The following ABLIM1 variants were observed in gnomAD, a reference collection of about 807,000 sequenced individuals.
ABLIM1 encodes actin binding LIM protein 1.
ABLIM1 carries 40 observed loss-of-function variants against 107.0 expected under a neutral mutation model. The observed-to-expected ratio is 0.37, with a 90% CI of 0.29 to 0.49. ABLIM1 has a LOEUF of 0.49. Among genes scored for constraint, ABLIM1 ranks in the 20% least tolerant of loss-of-function variants. The pLI is 0.97. For missense variants in ABLIM1, 857 were observed against 1,008.5 expected, an observed-to-expected ratio of 0.85 and a Z score of 2.04; for synonymous variants, 357 against 357.3, an observed-to-expected ratio of 1.00 and a Z score of 0.01.
At chr10:114,771,350 C>T (rs572835020), upstream of ABLIM1, among the ~76,000 whole-genome samples, 145 of 152,318 alleles carry the variant, frequency 9.5e-4, no homozygotes, top group Non-Finnish European at 1.7e-3. Flanking sequence ...CTGTTAGGCA[C>T]ATAGCAAGTA....
chr10:114,763,957 A>C (rs1042764037), intron 1 of ABLIM1, among the ~76,000 whole-genome samples: 4 of 152,160 alleles, frequency 2.6e-5, no homozygotes, highest in African/African-American at 4.8e-5. Flanking sequence ...ACACCACTGT[A>C]ATCTAGTGGT....
intron 2 of ABLIM1, among the ~76,000 whole-genome samples, chr10:114,578,409 GTT>G (rs35844913): frequency 2.1e-5 from 3 of 141,390 alleles, no homozygotes; most frequent in Non-Finnish European, 1.5e-5. Context: ...ATTTTCTGTT[GTT>G]TTTTTTTTTT....
chr10:114,508,329 T>C (rs1376305544), intron 6 of ABLIM1, among the ~76,000 whole-genome samples: 1 of 152,272 alleles, frequency 6.6e-6, no homozygotes, highest in East Asian at 1.9e-4. Flanking sequence ...GGCGCCTTAT[T>C]TGCAGGAGGA....
At chr10:114,488,454 T>A (rs548605873) in intron 7 of ABLIM1, among the ~76,000 whole-genome samples, 1 of 152,344 alleles carries the variant, frequency 6.6e-6, no homozygotes, top group Non-Finnish European at 1.5e-5. Flanking sequence ...GTCAACCAGA[T>A]AGTCTATGTC....
chr10:114,437,408 T>C (rs895613279), intron 22 of ABLIM1, among the ~76,000 whole-genome samples: 12 of 150,246 alleles, frequency 8.0e-5, no homozygotes, highest in Non-Finnish European at 1.5e-4. Flanking sequence ...AACCTCCACC[T>C]CCTGGATTCA....
At chr10:114,458,113 T>TGC (rs2063174116) in intron 12 of ABLIM1, among the ~76,000 whole-genome samples, 1 of 149,658 alleles carries the variant, frequency 6.7e-6, no homozygotes, top group African/African-American at 2.5e-5. Context: ...TGTGTGTGTG[T>TGC]GTGCGCACAT....
exon 1 of ABLIM1, chr10:114,684,553 C>G (rs2080882911): frequency 2.2e-6 from 3 of 1,388,146 alleles, no homozygotes; most frequent in Non-Finnish European, 2.8e-6. Flanking sequence ...CTGAGTGACT[C>G]TGGCTCCTTC....
At chr10:114,574,443 TA>T (rs1345034216) in intron 3 of ABLIM1, among the ~76,000 whole-genome samples, 3 of 151,384 alleles carry the variant, frequency 2.0e-5, no homozygotes, top group Admixed American at 6.6e-5. Flanking sequence ...TTATTTATTT[TA>T]TTTTATTTTT....
At chr10:114,584,736 T>C (rs913380038) in intron 2 of ABLIM1, among the ~76,000 whole-genome samples, 1 of 152,212 alleles carries the variant, frequency 6.6e-6, no homozygotes, top group Non-Finnish European at 1.5e-5. Context: ...CTGGGAAAGA[T>C]GATAGTTACA....
At chr10:114,601,418 ACTG>A (rs2075988170) in intron 2 of ABLIM1, among the ~76,000 whole-genome samples, 1 of 151,804 alleles carries the variant, frequency 6.6e-6, no homozygotes. Flanking sequence ...GACGCCCACC[ACTG>A]CACCCAGCTA....
intron 6 of ABLIM1, among the ~76,000 whole-genome samples, chr10:114,519,788 C>T (rs1025755196): frequency 2.0e-5 from 3 of 152,176 alleles, no homozygotes; most frequent in Non-Finnish European, 4.4e-5. Context: ...GGTCCTACCC[C>T]CAGTGCTGAG....
chr10:114,790,376 A>T, the ABLIM1 span, among the ~76,000 whole-genome samples: 5 of 151,674 alleles, frequency 3.3e-5, no homozygotes, highest in African/African-American at 1.2e-4. Context: ...TTATATAAAA[A>T]CATTATCTTT....
intron 1 of ABLIM1, among the ~76,000 whole-genome samples, chr10:114,650,304 G>A (rs1225714998): frequency 6.6e-6 from 1 of 152,148 alleles, no homozygotes; most frequent in Non-Finnish European, 1.5e-5. Context: ...TCAAAGGATG[G>A]GAAATCAGGG....
At chr10:114,532,589 C>T (rs1345344252) in intron 6 of ABLIM1, among the ~76,000 whole-genome samples, 2 of 152,148 alleles carry the variant, frequency 1.3e-5, no homozygotes, top group African/African-American at 2.4e-5. Context: ...ATCTCCTGGG[C>T]CCTGGGGAAA....
intron 15 of ABLIM1, 47 bp from the exon 16 acceptor site, chr10:114,445,450 G>C (rs753479885): frequency 6.5e-7 from 1 of 1,526,800 alleles, no homozygotes; most frequent in Non-Finnish European, 9.1e-7. Context: ...CCAAGACAAG[G>C]GAATCTTAAC....
chr10:114,700,474 T>C (rs923511162), intron 1 of ABLIM1, among the ~76,000 whole-genome samples: 4 of 148,882 alleles, frequency 2.7e-5, no homozygotes, highest in African/African-American at 7.6e-5. Flanking sequence ...GGGCCTAGGA[T>C]TGCCAAAAAC....
Position 114,720,673 on chromosome 10 carries a change from C to T in ABLIM1, c.-213+47388G>A, listed in dbSNP as rs114091753. ...CATAATCCTGAAACCTCCTTGTTGA[C>T]GATTTTTAGCCTGGATCAACTATGG... On this transcript the variant is annotated intron_variant, in intron 1 of 15. Coordinates refer to the ABLIM1 transcript ENST00000651092. Among the ~76,000 whole-genome samples, 16 of 151,826 alleles carry T rather than the reference C, an allele frequency of 1.1e-4. No homozygotes were observed. The East Asian group carries it at 1.5e-3, about 15-fold the overall frequency.
intron 1 of ABLIM1, among the ~76,000 whole-genome samples, chr10:114,651,920 T>C (rs72831052): frequency 2.6e-5 from 4 of 152,114 alleles, no homozygotes; most frequent in Admixed American, 1.3e-4. Context: ...CACAACACAG[T>C]GTGTCTCCTT....
chr10:114,610,143 C>T (rs978295734), intron 1 of ABLIM1, among the ~76,000 whole-genome samples: 4 of 152,194 alleles, frequency 2.6e-5, no homozygotes, highest in Non-Finnish European at 4.4e-5. Flanking sequence ...CTAGTCAATA[C>T]GCAGATGAGG....
Sources: allele counts gnomAD v4.1 joint callset (sites outside exome capture counted in the v4.1 genomes callset), GRCh38; gene constraint gnomAD v4.1.1; transcripts MANE v1.5; gene names NCBI Gene and HGNC (gene_info 2026-07-23, HGNC 2026-07-21).